Variants in SPATA21 observed in about 807,000 individuals in gnomAD.
SPATA21 encodes the protein spermatogenesis associated 21, also known as spermatogenesis-associated protein 21.
In SPATA21, 47 loss-of-function variants were observed where a neutral mutation model predicts 54.8. That is an observed-to-expected ratio of 0.86 (90% CI 0.68 to 1.09). SPATA21 has a LOEUF of 1.09. SPATA21 is among the 50% of genes least tolerant of loss of function. SPATA21 has a pLI of 0.00. For synonymous variants in SPATA21, 245 were observed against 235.3 expected (o/e 1.04, Z -0.38); for missense variants, 599 against 596.4 (o/e 1.00, Z -0.05).
At chr1:16,399,679 T>G (rs1288331144) in intron 11 of SPATA21, among the ~76,000 whole-genome samples, 158 bp from the exon 12 acceptor site, 2 of 152,222 alleles carry the variant, frequency 1.3e-5, no homozygotes, top group Non-Finnish European at 2.9e-5. Context: ...GAGGTGATAG[T>G]GGTACCCACC....
chr1:16,395,871 C>T (rs924108482), downstream of SPATA21: 2 of 152,820 alleles, frequency 1.3e-5, no homozygotes, highest in African/African-American at 4.8e-5. Flanking sequence ...GCCTATACCT[C>T]CCTCCCCGAG....
chr1:16,401,391 G>T (rs1371870756), intron 10 of SPATA21, among the ~76,000 whole-genome samples: 2 of 152,074 alleles, frequency 1.3e-5, no homozygotes, highest in Non-Finnish European at 2.9e-5. Context: ...AAACTCCTGG[G>T]CTCAACTGAT....
At chr1:16,419,832 C>T (rs531379919) in intron 5 of SPATA21, among the ~76,000 whole-genome samples, 1 of 152,178 alleles carries the variant, frequency 6.6e-6, no homozygotes, top group South Asian at 2.1e-4. Flanking sequence ...CCCACCTACT[C>T]GGGAGGCTGA....
At chr1:16,435,532 G>T (rs547825119) in intron 1 of SPATA21, among the ~76,000 whole-genome samples, 1 of 151,900 alleles carries the variant, frequency 6.6e-6, no homozygotes, top group East Asian at 1.9e-4. Context: ...GACCAGGCTG[G>T]TCTCAAACCC....
chr1:16,404,370 T>G (rs2085560032), intron 8 of SPATA21, among the ~76,000 whole-genome samples: 1 of 152,146 alleles, frequency 6.6e-6, no homozygotes. Flanking sequence ...CTTGGGAGGC[T>G]GAGGCAGGAG....
rs1212357900 is a variant in SPATA21 at position 16,404,030 on chromosome 1, C to T, written c.821G>A (p.Arg274His). ...AGCCAAGAAGTCTTTGAAGTCCACACGACCATCTCCTGTGGAGGCCAGAGG... is the reference window on the plus strand; with the variant it reads ...AGCCAAGAAGTCTTTGAAGTCCACATGACCATCTCCTGTGGAGGCCAGAGG... ...LMSADVNGDG[R>H]VDFKDFLAVM... Residue 274 changes from arginine (R) to histidine (H), a missense_variant, in exon 9 of 13, where the codon CGT becomes CAT. Physicochemically the swap from Arg to His is conservative, Grantham distance 29 (BLOSUM62 0). Transcript: ENST00000335496. 2.5e-5 allele frequency: 39 copies of T among 1,554,628 alleles called. No homozygotes were observed. Among genetic ancestry groups the T allele is most frequent in the Middle Eastern group, 1.7e-4 (1 of 5,974 alleles).
chr1:16,433,952 A>G (rs2086522958), intron 1 of SPATA21, among the ~76,000 whole-genome samples: 1 of 152,040 alleles, frequency 6.6e-6, no homozygotes, highest in South Asian at 2.1e-4. Flanking sequence ...CTAATTCTAG[A>G]ATATTTTTAT....
chr1:16,430,067 T>C (rs541548960), intron 3 of SPATA21, among the ~76,000 whole-genome samples: 295 of 133,448 alleles, frequency 2.2e-3, no homozygotes, highest in African/African-American at 7.9e-3. Flanking sequence ...CAGTGAGCCA[T>C]GATCACACCA....
intron 5 of SPATA21, among the ~76,000 whole-genome samples, chr1:16,416,975 C>T (rs1159332478): frequency 1.3e-5 from 2 of 152,254 alleles, no homozygotes; most frequent in African/African-American, 4.8e-5. Flanking sequence ...CCTTTGTTGC[C>T]CATCTTTAGT....
At chr1:16,434,291 T>A (rs918313112) in intron 1 of SPATA21, among the ~76,000 whole-genome samples, 1 of 146,826 alleles carries the variant, frequency 6.8e-6, no homozygotes. Flanking sequence ...TTTTCTTTCT[T>A]TTTTTTTTTT....
chr1:16,429,693 T>C (rs570209305), intron 3 of SPATA21, among the ~76,000 whole-genome samples: 75 of 148,168 alleles, frequency 5.1e-4, no homozygotes, highest in African/African-American at 1.8e-3. Context: ...AGGCTGGTCT[T>C]GAACTCCCGA....
intron 3 of SPATA21, among the ~76,000 whole-genome samples, chr1:16,427,162 A>G (rs2086346191): frequency 6.6e-6 from 1 of 152,084 alleles, no homozygotes; most frequent in African/African-American, 2.4e-5. Flanking sequence ...GGATAAAGGG[A>G]GTTTCAAGGC....
intron 3 of SPATA21, among the ~76,000 whole-genome samples, chr1:16,427,063 T>G (rs976588547): frequency 4.6e-5 from 7 of 152,258 alleles, no homozygotes; most frequent in Admixed American, 3.3e-4. Flanking sequence ...TTTTTAGTAT[T>G]TAAGATAATG....
chr1:16,408,407 G>C (rs573905596), intron 7 of SPATA21: 1 of 946,646 alleles, frequency 1.1e-6, no homozygotes, highest in East Asian at 1.2e-4. Flanking sequence ...GGATGGGCAG[G>C]GTTCCTGGGG....
chr1:16,435,249 A>G (rs1204996012), intron 1 of SPATA21, among the ~76,000 whole-genome samples: 4 of 152,104 alleles, frequency 2.6e-5, no homozygotes, highest in Non-Finnish European at 5.9e-5. Flanking sequence ...ATGGCCGATA[A>G]TGTTGGACAT....
downstream of SPATA21, chr1:16,398,580 C>CT (rs1325469170): frequency 7.7e-6 from 5 of 653,506 alleles, no homozygotes; most frequent in Admixed American, 5.1e-5. Context: ...ACCCTGCACT[C>CT]TGAGAGCCCA....
At chr1:16,425,412 G>T in intron 3 of SPATA21, 2 of 1,222,872 alleles carry the variant, frequency 1.6e-6, no homozygotes, top group African/African-American at 1.5e-5. Flanking sequence ...CTCCCAAGTA[G>T]CTGGGACTAC....
intron 3 of SPATA21, chr1:16,425,176 G>A (rs557944645): frequency 2.1e-6 from 1 of 478,126 alleles, no homozygotes; most frequent in African/African-American, 2.0e-5. Context: ...CTCCAGAAGT[G>A]CTGGGATTAA....
chr1:16,398,358 T>A (rs1312653195), downstream of SPATA21, among the ~76,000 whole-genome samples: 1 of 152,014 alleles, frequency 6.6e-6, no homozygotes, highest in African/African-American at 2.4e-5. Flanking sequence ...CGGGGGAGCA[T>A]GCAGAGGCCA....
Sources: gnomAD v4.1 joint callset for allele counts (sites outside exome capture counted in the v4.1 genomes callset) on GRCh38, gnomAD v4.1.1 for gene constraint, MANE v1.5 for transcripts, NCBI Gene and HGNC (gene_info 2026-07-23, HGNC 2026-07-21) for gene names.